WWOX: variants seen among roughly 807,000 people sequenced by gnomAD.
WWOX encodes WW domain containing oxidoreductase.
Under a neutral mutation model 46.2 loss-of-function variants are expected in WWOX, and 69 were observed. That is an observed-to-expected ratio of 1.49 (90% CI 1.23 to 1.82). The LOEUF is 1.82. Among genes scored for constraint, WWOX ranks in the 40% most tolerant of loss-of-function variants. The pLI, the probability that WWOX is intolerant of heterozygous loss-of-function variation, is 0.00. For synonymous variants in WWOX, 359 were observed against 202.6 expected, an observed-to-expected ratio of 1.77 and a Z score of -6.56; for missense variants, 919 against 542.6, an observed-to-expected ratio of 1.69 and a Z score of -6.89.
At chr16:78,482,272 T>G (rs2667564) in intron 8 of WWOX, among the ~76,000 whole-genome samples, 39,338 of 152,066 alleles carry the variant, frequency 0.26, 6,268 homozygotes, top group African/African-American at 0.45. Flanking sequence ...GTCTTGCTCT[T>G]TTGGCCAGGC....
intron 8 of WWOX, among the ~76,000 whole-genome samples, chr16:78,905,332 A>G (rs556772417): frequency 6.6e-6 from 1 of 152,334 alleles, no homozygotes; most frequent in African/African-American, 2.4e-5. Flanking sequence ...TTCTGCTTTA[A>G]AGAAAGAAAT....
chr16:78,382,814 A>G (rs2081983413), intron 5 of WWOX, among the ~76,000 whole-genome samples: 1 of 152,154 alleles, frequency 6.6e-6, no homozygotes, highest in Non-Finnish European at 1.5e-5. Context: ...AAGGTACAGC[A>G]AAGAAAATAA....
At chr16:78,386,225 T>G (rs1327208291) in intron 5 of WWOX, among the ~76,000 whole-genome samples, 1 of 152,212 alleles carries the variant, frequency 6.6e-6, no homozygotes, top group Non-Finnish European at 1.5e-5. Flanking sequence ...GTCCAGCCCG[T>G]GGCAGGCCCT....
chr16:78,887,122 GTGTGTGTGTGTGTA>G (rs1471419947), intron 8 of WWOX, among the ~76,000 whole-genome samples: 15 of 126,322 alleles, frequency 1.2e-4, no homozygotes, highest in Non-Finnish European at 2.3e-4. Flanking sequence ...GTGTGTGTGT[GTGTGTGTGTGTGTA>G]TACCTAGTCT....
intron 8 of WWOX, among the ~76,000 whole-genome samples, chr16:78,792,516 G>A (rs957896621): frequency 1.7e-4 from 26 of 152,276 alleles, no homozygotes; most frequent in Admixed American, 5.2e-4. Flanking sequence ...AAGTCTGCAC[G>A]GCAGAGGGCA....
chr16:78,686,463 A>G (rs901729373), intron 8 of WWOX, among the ~76,000 whole-genome samples: 17 of 151,856 alleles, frequency 1.1e-4, no homozygotes, highest in African/African-American at 3.9e-4. Context: ...GTTAGCAGAG[A>G]TGGTGCCACT....
At chr16:78,572,809 A>T (rs1466475428) in intron 8 of WWOX, among the ~76,000 whole-genome samples, 3 of 152,046 alleles carry the variant, frequency 2.0e-5, no homozygotes, top group Admixed American at 1.3e-4. Flanking sequence ...AGGAAAACAG[A>T]ATGGTGCCAT....
chr16:78,393,737 A>G (rs1167965276), intron 6 of WWOX, among the ~76,000 whole-genome samples: 3 of 152,260 alleles, frequency 2.0e-5, no homozygotes, highest in African/African-American at 7.2e-5. Flanking sequence ...TGCATTTTTG[A>G]TCATGGATTT....
intron 8 of WWOX, among the ~76,000 whole-genome samples, chr16:78,919,999 G>A (rs1178652262): frequency 6.6e-6 from 1 of 152,154 alleles, no homozygotes; most frequent in African/African-American, 2.4e-5. Context: ...CATGCTTTTG[G>A]AAGGGAAGCA....
chr16:79,152,751 A>C (rs1242510696), intron 8 of WWOX, among the ~76,000 whole-genome samples: 2 of 151,952 alleles, frequency 1.3e-5, no homozygotes, highest in African/African-American at 4.8e-5. Flanking sequence ...TAGTGTGGGC[A>C]GAGCTCAGGG....
chr16:79,011,332 C>T (rs1050795531), intron 8 of WWOX, among the ~76,000 whole-genome samples: 1 of 151,846 alleles, frequency 6.6e-6, no homozygotes, highest in African/African-American at 2.4e-5. Context: ...AATATGCCCT[C>T]TACATTCAAA....
intron 5 of WWOX, among the ~76,000 whole-genome samples, chr16:78,353,585 A>C (rs965137848): frequency 1.3e-5 from 2 of 152,246 alleles, no homozygotes; most frequent in African/African-American, 4.8e-5. Context: ...GGTATTCACC[A>C]AGGAATTTAC....
At chr16:78,611,071 A>C (rs2045889426) in intron 8 of WWOX, among the ~76,000 whole-genome samples, 1 of 152,350 alleles carries the variant, frequency 6.6e-6, no homozygotes, top group South Asian at 2.1e-4. Flanking sequence ...GAGTTTAACA[A>C]GTAAATGTAT....
intron 8 of WWOX, among the ~76,000 whole-genome samples, chr16:79,147,436 T>C (rs2050201789): frequency 1.3e-5 from 2 of 152,248 alleles, no homozygotes; most frequent in South Asian, 4.1e-4. Flanking sequence ...GGTAGCTTGT[T>C]TAATTTCATT....
intron 8 of WWOX, among the ~76,000 whole-genome samples, chr16:78,942,987 T>A (rs989553170): frequency 1.3e-5 from 2 of 152,236 alleles, no homozygotes; most frequent in African/African-American, 4.8e-5. Context: ...TTGTATCAGA[T>A]CAACTTTGAA....
chr16:78,698,986 C>G (rs550852082), intron 8 of WWOX, among the ~76,000 whole-genome samples: 6 of 152,240 alleles, frequency 3.9e-5, no homozygotes, highest in African/African-American at 1.2e-4. Flanking sequence ...ATGTGTTATT[C>G]TAGAATAGGA....
rs1406930609 is a variant in WWOX at position 78,280,530 on chromosome 16, GT to G, written c.517-106326del. ...AGAAAAGAGGTTTAATTGGCTCACA[GT>G]TTTGTAAGTGGTACAGGAAGCATAG... On this transcript the variant is annotated intron_variant, in intron 5 of 8. Transcript: ENST00000566780. Among the ~76,000 whole-genome samples the G allele has an allele frequency of 1.6e-4, 25 of 152,180 alleles. 1 individual carries two copies. The highest frequency in any genetic ancestry group is 5.5e-4 in the African/African-American group (23 of 41,532).
At chr16:78,400,562 A>G (rs2082388625) in intron 6 of WWOX, among the ~76,000 whole-genome samples, 4 of 152,086 alleles carry the variant, frequency 2.6e-5, no homozygotes, top group Non-Finnish European at 5.9e-5. Flanking sequence ...GTGGTTTACA[A>G]TTTTATTTCC....
chr16:79,166,998 T>C (rs1466305589), intron 8 of WWOX, among the ~76,000 whole-genome samples: 2 of 152,236 alleles, frequency 1.3e-5, no homozygotes, highest in South Asian at 2.1e-4. Context: ...CTGGAGTGCA[T>C]GGCCTGATCT....
Sources: allele counts gnomAD v4.1 joint callset (sites outside exome capture counted in the v4.1 genomes callset), GRCh38; gene constraint gnomAD v4.1.1; transcripts MANE v1.5; gene names NCBI Gene and HGNC (gene_info 2026-07-23, HGNC 2026-07-21).